CNPPD1: variants seen among roughly 807,000 people sequenced by gnomAD.
CNPPD1 encodes the protein protein CNPPD1.
In CNPPD1, 40 loss-of-function variants were observed where a neutral mutation model predicts 43.7. That is an observed-to-expected ratio of 0.92 (90% CI 0.71 to 1.19). CNPPD1 has a LOEUF of 1.19. Ranked by LOEUF, CNPPD1 falls within the 50% of genes most tolerant of loss-of-function variation. The pLI is 0.00. For missense variants in CNPPD1, 511 were observed against 518.5 expected (o/e 0.99, Z 0.14); for synonymous variants, 208 against 214.3 (o/e 0.97, Z 0.26).
Position 219,173,135 on chromosome 2 carries a change from G to C in CNPPD1, c.691-7C>G. 1 of 1,560,918 alleles carries C rather than the reference G, an allele frequency of 6.4e-7. No individual in the cohort carries two copies. Among genetic ancestry groups the C allele is most frequent in the South Asian group, 1.2e-5 (1 of 84,942 alleles). On this transcript the variant is annotated splice_region_variant and splice_polypyrimidine_tract_variant and intron_variant, in intron 7 of 7. Coordinates refer to ENST00000360507, the MANE Select transcript of CNPPD1 (RefSeq NM_015680.6). ...CAGCTAACAGGCAAGACAGCTGCAG[G>C]AGAGGAGATAAGAAAGAAGGAATCT...
Position 219,175,048 on chromosome 2 carries a change from C to T in CNPPD1, c.321G>A (p.Arg107=), listed in dbSNP as rs764572109. The T allele has an allele frequency of 6.2e-6, 10 of 1,613,416 alleles. No individual in the cohort carries two copies. Among genetic ancestry groups the T allele is most frequent in the Non-Finnish European group, 8.5e-6 (10 of 1,179,928 alleles). Residue 107 remains arginine, a synonymous_variant, in exon 4 of 8, where the codon CGG becomes CGA. Transcript: ENST00000360507. ...GCTGCAAGTAGTCTGGGTTTCGGTG[C>T]CGGAGCCGTTCAATGTACACCAGAG... ...MLALVYIERL[R]HRNPDYLQHV...
chr2:219,176,947 G>A (rs1277194278), upstream of CNPPD1: 16 of 818,988 alleles, frequency 2.0e-5, no homozygotes, highest in African/African-American at 3.7e-5. Context: ...GCGGGCCGCC[G>A]TCCTCGCCCT....
Position 219,172,857 on chromosome 2 carries a change from A to G in CNPPD1, c.962T>C (p.Leu321Ser). The change falls in exon 8 of 8, where the codon TTG (leucine) becomes TCG (serine). Residue 321 changes from leucine (L) to serine (S), a missense_variant. Transcript: ENST00000360507. ...SLLASLTPPP[L>S]PPPDPPAPPT... ...AGGGGCAGGGGGGTCTGGGGGAGGC[A>G]ATGGTGGAGGAGTCAGTGAGGCCAG... 1 of 1,590,748 alleles carries G rather than the reference A, an allele frequency of 6.3e-7. No individual in the cohort carries two copies. Among genetic ancestry groups the G allele is most frequent in the Non-Finnish European group, 8.6e-7 (1 of 1,167,518 alleles).
Position 219,174,974 on chromosome 2 carries a change from A to AG in CNPPD1, c.381+13dup. 1.9e-6 allele frequency: 3 copies of AG among 1,614,002 alleles called. No individual in the cohort carries two copies. The highest frequency in any genetic ancestry group is 2.5e-6 in the Non-Finnish European group (3 of 1,179,998). On this transcript the variant is annotated intron_variant, in intron 4 of 7. Transcript: ENST00000360507. ...CTCTTGGCTCTTTAGGGAGATGGGG[A>AG]GGGGGTGTCTTACCATGGAGATCAG...
rs769730620 is a variant in CNPPD1, at chr2:219,173,053, A to T, written c.766T>A (p.Ser256Thr). The T allele has an allele frequency of 3.1e-6, 5 of 1,611,764 alleles. No homozygotes were observed. Among genetic ancestry groups the T allele is most frequent in the Non-Finnish European group, 4.2e-6 (5 of 1,179,760 alleles). The change falls in exon 8 of 8, where the codon TCT (serine) becomes ACT (threonine). Residue 256 changes from serine (S) to threonine (T), a missense_variant. By Grantham distance (58) the Ser-to-Thr change is moderately conservative. Transcript: ENST00000360507. ...AVASVAVIHQ[S>T]LGLSCIPTPG... The stretch of plus-strand genomic sequence containing the variant: ...GTAGGGATGCAGGACAGCCCCAAAG[A>T]CTGATGTATTACGGCCACCGATGCC...
At chr2:219,174,099 C>T in intron 6 of CNPPD1, 47 bp downstream of exon 6, 2 of 1,578,676 alleles carry the variant, frequency 1.3e-6, no homozygotes, top group Non-Finnish European at 8.7e-7. Context: ...GCTGAGGACT[C>T]AGCCCCCAAA....
In CNPPD1 at chr2:219,176,761, G is replaced by T. The variant is rs780696104; in HGVS notation, c.68C>A (p.Thr23Lys). Residue 23 changes from threonine to lysine, a missense_variant and splice_region_variant, in exon 1 of 8, where the codon ACG (threonine) becomes AAG (lysine). Transcript: ENST00000360507. ...GGAGGGGGCGGGACCCCCACTCACC[G>T]TGAAGTCCTGGAAGCCGGCGAGGGA... ...TFSLAGFQDF[T>K]FLPGHQKLSA... 3.8e-6 allele frequency: 6 copies of T among 1,574,814 alleles called. No individual in the cohort carries two copies. The South Asian group carries it at 4.6e-5, about 12-fold the overall frequency.
intron 3 of CNPPD1, 123 bp downstream of exon 3, chr2:219,175,468 G>C: frequency 2.1e-6 from 2 of 963,390 alleles, no homozygotes; most frequent in Non-Finnish European, 3.2e-6. Context: ...CTGCACTCCA[G>C]CCTGGGTGAC....
At position 219,174,978 on chromosome 2, in the gene CNPPD1, G is replaced by A. The variant is rs753114808; in HGVS notation, c.381+10C>T. The A allele has an allele frequency of 1.1e-5, 17 of 1,614,100 alleles. No individual in the cohort carries two copies. Among genetic ancestry groups the A allele is most frequent in the Non-Finnish European group, 1.4e-5 (16 of 1,180,020 alleles). On this transcript the variant is annotated intron_variant, in intron 4 of 7. Coordinates refer to ENST00000360507, the MANE Select transcript of CNPPD1 (RefSeq NM_015680.6). ...TGGCTCTTTAGGGAGATGGGGAGGG[G>A]GTGTCTTACCATGGAGATCAGGAAC...
rs1950097936 is a variant in CNPPD1 at position 219,172,974 on chromosome 2, A to G, written c.845T>C (p.Ile282Thr). 1.2e-6 allele frequency: 2 copies of G among 1,613,894 alleles called. No individual in the cohort carries two copies. The highest frequency in any genetic ancestry group is 2.2e-5 in the South Asian group (2 of 91,090). ...CGGCAGGCATTGTGGCACAGAAGGT[A>G]TGCAGGGCTCCAGGAGGCAACGGGA... is the stretch of plus-strand genomic sequence containing the variant. ...LTSRCLLEPC[I>T]PSVPQCLPSL... The change falls in exon 8 of 8, where the codon ATA becomes ACA. Residue 282 changes from isoleucine (I) to threonine (T), a missense_variant. Transcript: ENST00000360507.
chr2:219,176,467 T>C, intron 1 of CNPPD1, 136 bp from the exon 2 acceptor site: 1 of 683,200 alleles, frequency 1.5e-6, no homozygotes, highest in Non-Finnish European at 2.5e-6. Context: ...CAGACCCGCG[T>C]TCTGTAAATC....
Position 219,174,825 on chromosome 2 carries a change from C to T in CNPPD1, c.463G>A (p.Ala155Thr). 6.2e-7 allele frequency: 1 copy of T among 1,613,518 alleles called. No individual in the cohort carries two copies. The highest frequency in any genetic ancestry group is 1.1e-5 in the South Asian group (1 of 90,980). Residue 155 changes from alanine (A) to threonine (T), a missense_variant, in exon 5 of 8, where the codon GCC becomes ACC. Transcript: ENST00000360507. Reference protein sequence around the residue: ...NDEWGAAGGVAVPTLNALERG... With the variant: ...NDEWGAAGGVTVPTLNALERG... ...TCCAAGGCATTGAGAGTGGGCACGGCCACACCCCCAGCAGCTCCCCATTCG... is the reference window on the plus strand; with the variant it reads ...TCCAAGGCATTGAGAGTGGGCACGGTCACACCCCCAGCAGCTCCCCATTCG...
At position 219,172,971 on chromosome 2, in the gene CNPPD1, G is replaced by T. The variant is rs147997504; in HGVS notation, c.848C>A (p.Pro283His). ...AGACGGCAGGCATTGTGGCACAGAA[G>T]GTATGCAGGGCTCCAGGAGGCAACG... Reference protein sequence around the residue: ...TSRCLLEPCIPSVPQCLPSLA... With the variant: ...TSRCLLEPCIHSVPQCLPSLA... Residue 283 changes from proline (P) to histidine (H), a missense_variant, in exon 8 of 8, where the codon CCT (proline) becomes CAT (histidine). By Grantham distance (77) the Pro-to-His change is moderately conservative. Coordinates refer to ENST00000360507, the MANE Select transcript of CNPPD1 (RefSeq NM_015680.6). The T allele has an allele frequency of 1.2e-5, 20 of 1,613,812 alleles. No homozygotes were observed. The highest frequency in any genetic ancestry group is 8.5e-7 in the Non-Finnish European group (1 of 1,179,956).
intron 3 of CNPPD1, 59 bp from the exon 4 acceptor site, chr2:219,175,167 T>TA: frequency 2.0e-6 from 3 of 1,517,408 alleles, no homozygotes; most frequent in South Asian, 2.6e-5. Flanking sequence ...TTGCAAGTCT[T>TA]ATGATGCTCG....
Position 219,176,865 on chromosome 2 carries a change from A to C in CNPPD1, c.-37T>G, listed in dbSNP as rs1950176429. Reference sequence around the variant, plus strand: ...TCGCCGCCCTGCGAAGGTGAACGGAAGGAAACGAGTTGTAGGGGGCTCGCG... The same window carrying C: ...TCGCCGCCCTGCGAAGGTGAACGGACGGAAACGAGTTGTAGGGGGCTCGCG... On this transcript the variant is annotated 5_prime_UTR_variant, in exon 1 of 8. Transcript: ENST00000360507. 1 of 1,537,410 alleles carries C rather than the reference A, an allele frequency of 6.5e-7. No individual in the cohort carries two copies. Among genetic ancestry groups the C allele is most frequent in the East Asian group, 2.5e-5 (1 of 40,812 alleles).
chr2:219,174,737 T>C, intron 5 of CNPPD1, 41 bp downstream of exon 5: 1 of 1,539,026 alleles, frequency 6.5e-7, no homozygotes, highest in Non-Finnish European at 8.7e-7. Flanking sequence ...CGGTTAAAGA[T>C]GGGCCAGGGA....
rs780696104 is a variant in CNPPD1, at chr2:219,176,761, G to A, written c.68C>T (p.Thr23Met). The A allele has an allele frequency of 9.5e-6, 15 of 1,574,934 alleles. No individual in the cohort carries two copies. The highest frequency in any genetic ancestry group is 1.7e-4 in the Middle Eastern group (1 of 5,930). Reference sequence around the variant, plus strand: ...GGAGGGGGCGGGACCCCCACTCACCGTGAAGTCCTGGAAGCCGGCGAGGGA... The same window carrying A: ...GGAGGGGGCGGGACCCCCACTCACCATGAAGTCCTGGAAGCCGGCGAGGGA... ...TFSLAGFQDF[T>M]FLPGHQKLSA... The change falls in exon 1 of 8, where the codon ACG becomes ATG. Residue 23 changes from threonine (T) to methionine (M), a missense_variant and splice_region_variant. Thr to Met is a moderately conservative substitution (Grantham distance 81). Coordinates refer to ENST00000360507, the MANE Select transcript of CNPPD1 (RefSeq NM_015680.6).
Position 219,172,476 on chromosome 2 carries a change from C to A in CNPPD1, c.*110G>T. 2 of 1,164,268 alleles carry A rather than the reference C, an allele frequency of 1.7e-6. No homozygotes were observed. Among genetic ancestry groups the A allele is most frequent in the Non-Finnish European group, 1.3e-6 (1 of 791,750 alleles). 72.1% of individuals were successfully genotyped at this position (1,164,268 alleles called of 1,614,324 possible). ...CCCCATAAGCTCCCACCCAGGAGGA[C>A]AGGGGACCTGCCAAGGACCCAGCGA... On this transcript the variant is annotated 3_prime_UTR_variant, in exon 8 of 8. Coordinates refer to ENST00000360507, the MANE Select transcript of CNPPD1 (RefSeq NM_015680.6).
chr2:219,178,123 G>C (rs1487584470), upstream of CNPPD1: 3 of 270,508 alleles, frequency 1.1e-5, no homozygotes, highest in Non-Finnish European at 2.0e-5. Context: ...AAACGAACCT[G>C]TGTAGGCGCA....
Sources: allele counts gnomAD v4.1 joint callset, GRCh38; gene constraint gnomAD v4.1.1; transcripts MANE v1.5; gene names NCBI Gene and HGNC (gene_info 2026-07-23, HGNC 2026-07-21).